The following NRXN1 variants were observed in gnomAD, a reference collection of about 807,000 sequenced individuals.
NRXN1 encodes the protein neurexin 1.
In NRXN1, 39 loss-of-function variants were observed where a neutral mutation model predicts 150.9. That is an observed-to-expected ratio of 0.26 (90% confidence interval 0.20 to 0.34). The LOEUF (loss-of-function observed/expected upper bound fraction) is 0.34. Ranked by LOEUF, NRXN1 falls within the 10% of genes least tolerant of loss-of-function variation. NRXN1 has a pLI of 1.00. For missense variants in NRXN1, 1,815 were observed against 1,949.9 expected (o/e 0.93, Z 1.30); for synonymous variants, 924 against 757.0 (o/e 1.22, Z -3.62).
At chr2:50,392,943 A>G (rs975550181) in intron 17 of NRXN1, among the ~76,000 whole-genome samples, 2 of 152,078 alleles carry the variant, frequency 1.3e-5, no homozygotes, top group Non-Finnish European at 2.9e-5. Flanking sequence ...ACAGTGTTTA[A>G]AAATCAACAG....
chr2:50,598,356 C>A (rs1231817853), intron 8 of NRXN1, among the ~76,000 whole-genome samples: 1 of 151,396 alleles, frequency 6.6e-6, no homozygotes, highest in African/African-American at 2.4e-5. Context: ...CAGGATGCAG[C>A]CTTGGAAAAG....
intron 2 of NRXN1, chr2:51,026,346 C>T (rs747554159): frequency 2.7e-6 from 4 of 1,459,894 alleles, no homozygotes; most frequent in African/African-American, 2.8e-5. Context: ...GCCACTGATT[C>T]GTCTTTTTCA....
At chr2:50,163,281 T>G (rs1292394016) in intron 18 of NRXN1, among the ~76,000 whole-genome samples, 1 of 151,808 alleles carries the variant, frequency 6.6e-6, no homozygotes, top group Non-Finnish European at 1.5e-5. Flanking sequence ...GATACACGGT[T>G]GAAGGTAACT....
intron 22 of NRXN1, among the ~76,000 whole-genome samples, chr2:49,932,795 C>G (rs1412255282): frequency 3.9e-5 from 6 of 152,134 alleles, no homozygotes; most frequent in Admixed American, 3.9e-4. Context: ...CTGTGCTATA[C>G]ATTTTACACA....
intron 8 of NRXN1, among the ~76,000 whole-genome samples, chr2:50,582,838 C>A (rs941706823): frequency 2.6e-5 from 4 of 152,076 alleles, no homozygotes; most frequent in Non-Finnish European, 5.9e-5. Context: ...CCCATCAACC[C>A]CCGCAATAGC....
In NRXN1 at chr2:50,538,649, G is replaced by C. The variant is rs886056171; in HGVS notation, c.1760-13C>G. 8.8e-6 allele frequency: 13 copies of C among 1,472,672 alleles called. No individual in the cohort carries two copies. Among genetic ancestry groups the C allele is most frequent in the East Asian group, 2.3e-5 (1 of 43,006 alleles). The allele number at this position is 1,472,672 out of a possible 1,614,324, so 91.2% of individuals were successfully genotyped here. A position where few individuals can be genotyped will look rare whatever the true frequency, so the allele number is the denominator to read the frequency against. The stretch of plus-strand genomic sequence containing the variant: ...ACAGAAATGGTACCTATTTCAAAGA[G>C]AGGAGAATGCACAGGTCTTTAAAAA... On this transcript the variant is annotated splice_polypyrimidine_tract_variant and intron_variant, in intron 9 of 22. Transcript: ENST00000401669.
At chr2:50,412,338 A>T (rs937295664) in intron 17 of NRXN1, among the ~76,000 whole-genome samples, 1 of 151,680 alleles carries the variant, frequency 6.6e-6, no homozygotes, top group Non-Finnish European at 1.5e-5. Flanking sequence ...AAAAAATAAA[A>T]AAAATAATAA....
At chr2:50,763,122 G>T (rs1037606256) in intron 5 of NRXN1, among the ~76,000 whole-genome samples, 7 of 151,832 alleles carry the variant, frequency 4.6e-5, no homozygotes, top group Admixed American at 3.9e-4. Flanking sequence ...TGATACCACA[G>T]TCCTATCTCA....
intron 22 of NRXN1, among the ~76,000 whole-genome samples, chr2:49,930,362 T>C (rs1052487284): frequency 6.6e-6 from 1 of 151,704 alleles, no homozygotes; most frequent in African/African-American, 2.4e-5. Flanking sequence ...GGACCAAGAG[T>C]AAATACCTCT....
At chr2:50,960,469 G>T (rs1409935451) in intron 2 of NRXN1, among the ~76,000 whole-genome samples, 2 of 151,730 alleles carry the variant, frequency 1.3e-5, no homozygotes, top group Admixed American at 1.3e-4. Flanking sequence ...CTAAATAATG[G>T]AGGCTTAAAA....
At chr2:49,993,087 G>A (rs540351995) in intron 21 of NRXN1, among the ~76,000 whole-genome samples, 9 of 152,258 alleles carry the variant, frequency 5.9e-5, no homozygotes, top group East Asian at 1.9e-4. Flanking sequence ...GAAAACTTAC[G>A]TTCACACAAA....
chr2:50,184,384 T>G (rs192613315), intron 18 of NRXN1, among the ~76,000 whole-genome samples: 1 of 152,162 alleles, frequency 6.6e-6, no homozygotes, highest in Non-Finnish European at 1.5e-5. Context: ...GTACTTTTTA[T>G]TTAATATCAA....
intron 8 of NRXN1, among the ~76,000 whole-genome samples, chr2:50,572,309 C>T (rs1670782444): frequency 6.6e-6 from 1 of 152,182 alleles, no homozygotes; most frequent in African/African-American, 2.4e-5. Context: ...ATACCAAATT[C>T]TGCTGCCAGA....
chr2:50,114,858 G>A (rs1307879959), intron 18 of NRXN1, among the ~76,000 whole-genome samples: 1 of 151,948 alleles, frequency 6.6e-6, no homozygotes. Context: ...AGGATCTAGT[G>A]GGGAGAGAGG....
intron 17 of NRXN1, among the ~76,000 whole-genome samples, chr2:50,454,677 C>G (rs1298216302): frequency 1.4e-5 from 2 of 145,430 alleles, no homozygotes; most frequent in Non-Finnish European, 3.0e-5. Context: ...CACACACACA[C>G]ACACACACAC....
rs769027190 is a variant in NRXN1 at position 50,552,959 on chromosome 2, T to C, written c.1387A>G (p.Met463Val). Residue 463 changes from methionine (M) to valine (V), a missense_variant, in exon 9 of 23, where the codon ATG (methionine) becomes GTG (valine). Physicochemically the swap from Met to Val is conservative, Grantham distance 21. This residue lies in a region of NRXN1 where 638 missense variants were observed against 652.6 expected (regional missense o/e 0.98). Transcript: ENST00000401669. Reference protein sequence around the residue: ...SRLAKQGDPKMKIHGVVAFKC... With the variant: ...SRLAKQGDPKVKIHGVVAFKC... ...AATGCCACCACTCCATGGATCTTCA[T>C]CTTAGGATCTCCTTGCTTGGCAAGT... 1 of 1,613,742 alleles carries C rather than the reference T, an allele frequency of 6.2e-7. No homozygotes were observed. Among genetic ancestry groups the C allele is most frequent in the Non-Finnish European group, 8.5e-7 (1 of 1,179,728 alleles).
intron 2 of NRXN1, among the ~76,000 whole-genome samples, chr2:51,017,984 A>C (rs1465793296): frequency 6.6e-6 from 1 of 152,076 alleles, no homozygotes; most frequent in South Asian, 2.1e-4. Context: ...TAGAAGAAAA[A>C]ACATGAGTCT....
At chr2:50,289,216 G>C (rs544487170) in intron 17 of NRXN1, among the ~76,000 whole-genome samples, 30 of 152,164 alleles carry the variant, frequency 2.0e-4, no homozygotes, top group African/African-American at 6.0e-4. Context: ...GAGCCCCAAG[G>C]TTAATATTAA....
chr2:50,419,859 C>G (rs982786087), intron 17 of NRXN1, among the ~76,000 whole-genome samples: 2 of 151,970 alleles, frequency 1.3e-5, no homozygotes, highest in Admixed American at 6.6e-5. Flanking sequence ...TTTTTGAAAC[C>G]TCAGTTTTAC....
Sources: allele counts gnomAD v4.1 joint callset (sites outside exome capture counted in the v4.1 genomes callset), GRCh38; gene constraint gnomAD v4.1.1; regional missense constraint gnomAD v4.1.1; transcripts MANE v1.5; gene names NCBI Gene and HGNC (gene_info 2026-07-23, HGNC 2026-07-21).